PLCG2: variants seen among roughly 807,000 people sequenced by gnomAD.
PLCG2 encodes 1-phosphatidylinositol 4,5-bisphosphate phosphodiesterase gamma-2.
A neutral mutation model predicts 175.6 loss-of-function variants in PLCG2; 69 were observed. That is an observed-to-expected ratio of 0.39 (90% CI 0.32 to 0.48). The LOEUF (loss-of-function observed/expected upper bound fraction) is 0.48. Ranked by LOEUF, PLCG2 falls within the 20% of genes least tolerant of loss-of-function variation. The pLI is 0.91. For missense variants in PLCG2, 1,798 were observed against 1,650.9 expected, an observed-to-expected ratio of 1.09 and a Z score of -1.54; for synonymous variants, 827 against 624.0, an observed-to-expected ratio of 1.33 and a Z score of -4.85.
In PLCG2 at chr16:81,961,505, T is replaced by C. The variant is rs1911775772; in HGVS notation, c.*3507T>C. The C allele has an allele frequency of 4.5e-6, 1 of 222,124 alleles. No homozygotes were observed. Among genetic ancestry groups the C allele is most frequent in the Non-Finnish European group, 9.0e-6 (1 of 111,230 alleles). 13.8% of individuals were successfully genotyped at this position (222,124 alleles called of 1,614,324 possible). A position where few individuals can be genotyped will look rare whatever the true frequency, so the allele number is the denominator to read the frequency against. ...CTTAGGATTATAGGATACTATATAA[T>C]ACTTTTGGTACAGAGATAGAATTAA... On this transcript the variant is annotated 3_prime_UTR_variant, in exon 33 of 33. Transcript: ENST00000564138.
rs151261127 is a variant in PLCG2 at position 81,791,262 on chromosome 16, G to C, written c.193+5080G>C. On this transcript the variant is annotated intron_variant, in intron 2 of 32. Transcript: ENST00000564138. ...GGTTTTTGTCCATTTGGATGTGGGG[G>C]AGGTGGTGAGGAATGGGGAGGGCTC... 5.9e-5 allele frequency among the ~76,000 whole-genome samples: 9 copies of C among 152,258 alleles called. No individual in the cohort carries two copies. The East Asian group carries it at 1.7e-3, about 29-fold the overall frequency.
intron 2 of PLCG2, among the ~76,000 whole-genome samples, chr16:81,840,565 C>T (rs568674498): frequency 6.6e-6 from 1 of 152,202 alleles, no homozygotes. Context: ...GACAGATCAT[C>T]AGGCATTAGA....
At chr16:81,945,696 A>G (rs1911123174) in intron 30 of PLCG2, among the ~76,000 whole-genome samples, 1 of 152,222 alleles carries the variant, frequency 6.6e-6, no homozygotes. Flanking sequence ...GAGGAGGAAG[A>G]TCAATACTGC....
intron 3 of PLCG2, among the ~76,000 whole-genome samples, chr16:81,857,326 T>A (rs925040936): frequency 6.6e-6 from 1 of 152,196 alleles, no homozygotes; most frequent in African/African-American, 2.4e-5. Context: ...TGGGTTTGAA[T>A]TCCTCAGCTT....
chr16:81,826,636 A>C (rs1204131089), intron 2 of PLCG2, among the ~76,000 whole-genome samples: 1 of 152,210 alleles, frequency 6.6e-6, no homozygotes, highest in Non-Finnish European at 1.5e-5. Flanking sequence ...TGATAGCAGC[A>C]GCCACTCATT....
chr16:81,872,428 T>G (rs1907560577), intron 7 of PLCG2, among the ~76,000 whole-genome samples: 1 of 152,122 alleles, frequency 6.6e-6, no homozygotes, highest in Admixed American at 6.5e-5. Context: ...TAATGTTGAT[T>G]TTGTGTGTGT....
chr16:81,953,964 T>G (rs1472575000), intron 31 of PLCG2, among the ~76,000 whole-genome samples: 1 of 152,184 alleles, frequency 6.6e-6, no homozygotes, highest in Non-Finnish European at 1.5e-5. Context: ...TTCTTCTAGG[T>G]GCAGAAAAGG....
intron 7 of PLCG2, among the ~76,000 whole-genome samples, chr16:81,879,129 G>A (rs903054806): frequency 6.6e-6 from 1 of 152,140 alleles, no homozygotes; most frequent in Admixed American, 6.5e-5. Flanking sequence ...GAATGTAAAG[G>A]AAGGAGAGGG....
intron 2 of PLCG2, among the ~76,000 whole-genome samples, chr16:81,807,992 T>G (rs1160294515): frequency 6.6e-6 from 1 of 152,154 alleles, no homozygotes; most frequent in Non-Finnish European, 1.5e-5. Context: ...AGACCCCACC[T>G]CCAGTACTGA....
At chr16:81,870,999 G>A (rs781067048) in intron 7 of PLCG2, 64 bp downstream of exon 7, 1 of 885,392 alleles carries the variant, frequency 1.1e-6, no homozygotes. Context: ...TCCAAGTCTG[G>A]CATGTTCCTA....
intron 6 of PLCG2, 144 bp from the exon 7 acceptor site, chr16:81,870,708 G>A: frequency 2.1e-6 from 1 of 474,764 alleles, no homozygotes; most frequent in Non-Finnish European, 3.7e-6. Context: ...CCATGACACT[G>A]AAACAATGTG....
intron 1 of PLCG2, among the ~76,000 whole-genome samples, chr16:81,753,307 A>T (rs929801398): frequency 1.6e-5 from 2 of 128,536 alleles, no homozygotes; most frequent in African/African-American, 3.0e-5. Flanking sequence ...TTGGTGGGTT[A>T]TGCCAAGTTC....
At chr16:81,934,395 G>C in intron 25 of PLCG2, 34 bp from the exon 26 acceptor site, 1 of 1,340,090 alleles carries the variant, frequency 7.5e-7, no homozygotes, top group South Asian at 1.2e-5. Context: ...GGATTTCTCG[G>C]GGGCGGGCAC....
chr16:81,782,009 T>C (rs920438670), intron 1 of PLCG2, among the ~76,000 whole-genome samples: 1 of 152,074 alleles, frequency 6.6e-6, no homozygotes, highest in East Asian at 1.9e-4. Context: ...GTAGCTGGGA[T>C]TACAGGCATG....
intron 4 of PLCG2, among the ~76,000 whole-genome samples, chr16:81,858,565 G>A (rs1244937067): frequency 3.9e-5 from 6 of 152,150 alleles, no homozygotes; most frequent in Admixed American, 3.9e-4. Flanking sequence ...AGTTTTCAGC[G>A]TTGGCCTATT....
At chr16:81,838,808 T>G (rs1905668883) in intron 2 of PLCG2, among the ~76,000 whole-genome samples, 1 of 137,628 alleles carries the variant, frequency 7.3e-6, no homozygotes, top group Non-Finnish European at 1.6e-5. Flanking sequence ...TATATATATA[T>G]GTAAATAACA....
intron 19 of PLCG2, among the ~76,000 whole-genome samples, chr16:81,917,522 G>C (rs1480614764): frequency 1.3e-5 from 2 of 152,096 alleles, no homozygotes; most frequent in African/African-American, 4.8e-5. Context: ...ACCAGGTGCA[G>C]GGGTCCCCTT....
intron 2 of PLCG2, among the ~76,000 whole-genome samples, chr16:81,841,228 A>G (rs1220927263): frequency 6.7e-6 from 1 of 149,822 alleles, no homozygotes; most frequent in African/African-American, 2.4e-5. Context: ...TTATTTATTT[A>G]TTTATTTATT....
intron 11 of PLCG2, among the ~76,000 whole-genome samples, chr16:81,891,895 G>C (rs1351682491): frequency 1.3e-5 from 2 of 152,116 alleles, no homozygotes; most frequent in Non-Finnish European, 2.9e-5. Context: ...TTCACGATTT[G>C]GGCATCTCAC....
Sources: gnomAD v4.1 joint callset for allele counts (sites outside exome capture counted in the v4.1 genomes callset) on GRCh38, gnomAD v4.1.1 for gene constraint, MANE v1.5 for transcripts, NCBI Gene and HGNC (gene_info 2026-07-23, HGNC 2026-07-21) for gene names.